Variants in ATE1 observed in about 807,000 individuals in gnomAD.
ATE1 encodes arginyltransferase 1, also known as arginyl-tRNA--protein transferase 1.
ATE1 carries 36 observed loss-of-function variants against 70.5 expected under a neutral mutation model. The observed-to-expected ratio is 0.51, with a 90% CI of 0.39 to 0.67. ATE1 has a LOEUF of 0.67. Among genes scored for constraint, ATE1 ranks in the 30% least tolerant of loss-of-function variants. The probability of loss-of-function intolerance (pLI) is 0.00; values close to 1 mark genes in which losing one functional copy is unlikely to be tolerated. For synonymous variants in ATE1, 232 were observed against 219.3 expected (o/e 1.06, Z -0.51); for missense variants, 593 against 629.5 (o/e 0.94, Z 0.62).
intron 9 of ATE1, among the ~76,000 whole-genome samples, chr10:121,840,820 A>C (rs1948601091): frequency 6.6e-6 from 1 of 150,376 alleles, no homozygotes; most frequent in Non-Finnish European, 1.5e-5. Flanking sequence ...TTTATTTTAA[A>C]ATTCAATGTG....
At chr10:121,771,616 G>A (rs527948074) in intron 11 of ATE1, among the ~76,000 whole-genome samples, 1 of 152,290 alleles carries the variant, frequency 6.6e-6, no homozygotes, top group South Asian at 2.1e-4. Flanking sequence ...AATGGTCGGA[G>A]AGCAAAGGCC....
At chr10:121,870,289 C>T (rs1176695587) in intron 7 of ATE1, among the ~76,000 whole-genome samples, 3 of 152,304 alleles carry the variant, frequency 2.0e-5, no homozygotes, top group South Asian at 4.1e-4. Flanking sequence ...GCACATAAAG[C>T]ACAACAAATC....
intron 7 of ATE1, among the ~76,000 whole-genome samples, chr10:121,899,273 G>A (rs556350398): frequency 1.3e-5 from 2 of 151,906 alleles, no homozygotes; most frequent in South Asian, 2.1e-4. Context: ...GGTGATGATC[G>A]CTACTTTTGC....
At chr10:121,906,518 G>A (rs1951197677) in intron 5 of ATE1, among the ~76,000 whole-genome samples, 1 of 143,048 alleles carries the variant, frequency 7.0e-6, no homozygotes, top group Non-Finnish European at 1.6e-5. Context: ...GACAGAGTAA[G>A]ACCCTGTCTC....
chr10:121,747,186 G>A (rs17628732), intron 11 of ATE1, among the ~76,000 whole-genome samples: 10,905 of 152,246 alleles, frequency 0.072, 436 homozygotes, highest in Middle Eastern at 0.13. Context: ...TGCCATTGTC[G>A]TTTTCTATTG....
At chr10:121,921,318 G>A (rs1951873549) in intron 3 of ATE1, among the ~76,000 whole-genome samples, 1 of 151,388 alleles carries the variant, frequency 6.6e-6, no homozygotes, top group Non-Finnish European at 1.5e-5. Context: ...TGAGTGAGGT[G>A]GGAAATTAAA....
intron 8 of ATE1, among the ~76,000 whole-genome samples, chr10:121,865,610 G>A (rs1949636684): frequency 6.6e-6 from 1 of 152,222 alleles, no homozygotes; most frequent in South Asian, 2.1e-4. Context: ...TCCGGTGTAA[G>A]CCTAGCAGGG....
At chr10:121,804,770 T>C (rs1307197724) in intron 10 of ATE1, among the ~76,000 whole-genome samples, 2 of 151,380 alleles carry the variant, frequency 1.3e-5, no homozygotes, top group African/African-American at 4.9e-5. Context: ...TGAAGATATA[T>C]AATGTGTTTG....
At chr10:121,762,215 A>G (rs1945070313) in intron 11 of ATE1, among the ~76,000 whole-genome samples, 1 of 152,184 alleles carries the variant, frequency 6.6e-6, no homozygotes, top group African/African-American at 2.4e-5. Context: ...CCCCAGGGCA[A>G]TCCTTTTTCA....
At chr10:121,928,266 G>C, upstream of ATE1, 1 of 1,435,420 alleles carries the variant, frequency 7.0e-7, no homozygotes, top group Non-Finnish European at 9.2e-7. Context: ...CGGGAGTCGG[G>C]GTGCGAGCCT....
chr10:121,786,583 C>T (rs910746253), intron 11 of ATE1, among the ~76,000 whole-genome samples: 47 of 151,546 alleles, frequency 3.1e-4, no homozygotes, highest in Admixed American at 2.0e-4. Context: ...GCGGGAGGAT[C>T]GTTTGAGCCC....
At chr10:121,869,562 G>C (rs1949779750) in intron 8 of ATE1, among the ~76,000 whole-genome samples, 1 of 152,148 alleles carries the variant, frequency 6.6e-6, no homozygotes, top group Admixed American at 6.5e-5. Context: ...CTCTTCTCTT[G>C]TCAACTCATG....
chr10:121,782,695 G>C (rs1216477124), intron 11 of ATE1: 3 of 152,232 alleles, frequency 2.0e-5, no homozygotes, highest in South Asian at 2.1e-4. Flanking sequence ...GTGTCTGTGA[G>C]GGTGCTGCCA....
At chr10:121,870,154 C>G (rs1338173806) in intron 7 of ATE1, 116 bp from the exon 8 acceptor site, 21 of 956,400 alleles carry the variant, frequency 2.2e-5, no homozygotes, top group Non-Finnish European at 3.0e-5. Flanking sequence ...TAAAGTGAAC[C>G]CAAAGATTAT....
chr10:121,753,979 T>C (rs1021377124), intron 11 of ATE1, among the ~76,000 whole-genome samples: 1 of 152,092 alleles, frequency 6.6e-6, no homozygotes, highest in Non-Finnish European at 1.5e-5. Flanking sequence ...TAAATAAATA[T>C]ACTGAGAAAA....
At chr10:121,804,857 C>A (rs971717434) in intron 10 of ATE1, among the ~76,000 whole-genome samples, 1 of 151,974 alleles carries the variant, frequency 6.6e-6, no homozygotes, top group African/African-American at 2.4e-5. Context: ...CTCCTGAGAG[C>A]TTCCAACACA....
At chr10:121,878,551 C>T (rs1188879436) in intron 7 of ATE1, among the ~76,000 whole-genome samples, 3 of 150,892 alleles carry the variant, frequency 2.0e-5, no homozygotes, top group African/African-American at 4.9e-5. Flanking sequence ...CGAGATCACA[C>T]GACTGCGCTC....
intron 7 of ATE1, among the ~76,000 whole-genome samples, chr10:121,877,413 T>C (rs1028224366): frequency 6.6e-6 from 1 of 152,122 alleles, no homozygotes; most frequent in Admixed American, 6.6e-5. Flanking sequence ...GTACCAAAAC[T>C]CAAAGGCTTT....
chr10:121,841,813 G>A (rs182766206), intron 8 of ATE1, among the ~76,000 whole-genome samples: 1 of 152,278 alleles, frequency 6.6e-6, no homozygotes, highest in African/African-American at 2.4e-5. Context: ...ATTGGGTACA[G>A]TGTACACTGC....
Sources: gnomAD v4.1 joint callset for allele counts (sites outside exome capture counted in the v4.1 genomes callset) on GRCh38, gnomAD v4.1.1 for gene constraint, MANE v1.5 for transcripts, NCBI Gene and HGNC (gene_info 2026-07-23, HGNC 2026-07-21) for gene names.